IQCM: variants seen among roughly 807,000 people sequenced by gnomAD.
IQCM encodes IQ domain-containing protein M.
In IQCM, 45 loss-of-function variants were observed where a neutral mutation model predicts 57.6. The ratio of observed to expected loss-of-function variants is 0.78; its 90% CI spans 0.62 to 1.00. The LOEUF is 1.00. IQCM is among the 50% of genes least tolerant of loss of function. The probability of loss-of-function intolerance (pLI) is 0.00; values close to 1 mark genes in which losing one functional copy is unlikely to be tolerated. For synonymous variants in IQCM, 148 were observed against 158.9 expected (o/e 0.93, Z 0.51); for missense variants, 468 against 511.6 (o/e 0.91, Z 0.82).
At chr4:149,723,286 C>G (rs559356011) in intron 5 of IQCM, among the ~76,000 whole-genome samples, 23 of 152,104 alleles carry the variant, frequency 1.5e-4, no homozygotes, top group South Asian at 8.3e-4. Context: ...ATTTCTTTCT[C>G]TTGCCTGATT....
At chr4:149,545,431 G>T (rs1748292279) in intron 12 of IQCM, among the ~76,000 whole-genome samples, 1 of 152,032 alleles carries the variant, frequency 6.6e-6, no homozygotes, top group African/African-American at 2.4e-5. Flanking sequence ...AAGAAAATAT[G>T]CAAGGGGCCA....
At chr4:149,397,534 G>T (rs532264271) in intron 13 of IQCM, among the ~76,000 whole-genome samples, 1 of 152,002 alleles carries the variant, frequency 6.6e-6, no homozygotes, top group East Asian at 2.0e-4. Flanking sequence ...TCGCTGCCAT[G>T]TAAGATGTGC....
intron 12 of IQCM, among the ~76,000 whole-genome samples, chr4:149,467,673 G>A (rs140826042): frequency 6.6e-6 from 1 of 152,314 alleles, no homozygotes; most frequent in East Asian, 1.9e-4. Context: ...CAGTAGGCTG[G>A]ATGGAACAAG....
At chr4:149,641,313 C>T (rs1003738610) in intron 7 of IQCM, among the ~76,000 whole-genome samples, 1 of 152,056 alleles carries the variant, frequency 6.6e-6, no homozygotes, top group East Asian at 1.9e-4. Context: ...TTAAAAGACC[C>T]AGGATATTAC....
At chr4:149,626,465 A>G (rs1482523878) in intron 7 of IQCM, among the ~76,000 whole-genome samples, 1 of 133,994 alleles carries the variant, frequency 7.5e-6, no homozygotes, top group Non-Finnish European at 1.6e-5. Context: ...GTTTGTAGAT[A>G]GCAAATACTA....
chr4:149,718,236 A>G (rs953656001), intron 5 of IQCM, among the ~76,000 whole-genome samples: 2 of 152,176 alleles, frequency 1.3e-5, no homozygotes, highest in Non-Finnish European at 2.9e-5. Context: ...TTACTTCTCA[A>G]TTCAAGTGGT....
intron 9 of IQCM, among the ~76,000 whole-genome samples, chr4:149,580,077 C>T (rs532181354): frequency 6.6e-6 from 1 of 151,840 alleles, no homozygotes; most frequent in Non-Finnish European, 1.5e-5. Flanking sequence ...CATTTCGATT[C>T]TACTATGCTC....
At chr4:149,711,881 A>G (rs1764586782) in intron 5 of IQCM, among the ~76,000 whole-genome samples, 1 of 152,194 alleles carries the variant, frequency 6.6e-6, no homozygotes, top group Admixed American at 6.5e-5. Flanking sequence ...TGTCTTTGTG[A>G]ATGCCTCTAC....
intron 12 of IQCM, among the ~76,000 whole-genome samples, chr4:149,533,886 A>T (rs1747008858): frequency 6.6e-6 from 1 of 152,110 alleles, no homozygotes; most frequent in Non-Finnish European, 1.5e-5. Flanking sequence ...GATTTAATAG[A>T]AAAAAAGAAA....
chr4:149,689,688 G>C (rs574907575), intron 5 of IQCM, among the ~76,000 whole-genome samples: 3 of 151,980 alleles, frequency 2.0e-5, no homozygotes, highest in Non-Finnish European at 4.4e-5. Flanking sequence ...ATCTGACAAA[G>C]GACTAATATC....
At position 149,733,748 on chromosome 4, in the gene IQCM, C is replaced by A. The variant is rs17026383; in HGVS notation, c.121-240G>T. Among the ~76,000 whole-genome samples the A allele has an allele frequency of 9.0e-3, 1,367 of 152,158 alleles. 10 individuals carry two copies. Among genetic ancestry groups the A allele is most frequent in the African/African-American group, 0.03 (1,265 of 41,532 alleles). Reference sequence around the variant, plus strand: ...CCTTCACAAGCATAAGGATTATATTCCCCTTTGAAAGAAATGTAAATTTTA... The same window carrying A: ...CCTTCACAAGCATAAGGATTATATTACCCTTTGAAAGAAATGTAAATTTTA... On this transcript the variant is annotated intron_variant, in intron 4 of 13. Coordinates refer to ENST00000636793, the MANE Select transcript of IQCM (RefSeq NM_001363507.2).
At chr4:149,399,813 A>G (rs1024343512) in intron 13 of IQCM, among the ~76,000 whole-genome samples, 3 of 152,114 alleles carry the variant, frequency 2.0e-5, no homozygotes, top group Admixed American at 2.0e-4. Flanking sequence ...TTATAAATTA[A>G]TATATGCAAA....
intron 2 of IQCM, among the ~76,000 whole-genome samples, chr4:149,782,520 C>T (rs149820368): frequency 1.3e-5 from 2 of 150,250 alleles, no homozygotes; most frequent in South Asian, 2.1e-4. Flanking sequence ...TGAGGTGGGA[C>T]GATTGCTTGA....
At chr4:149,639,452 AAGAAGG>A (rs1324113671) in intron 7 of IQCM, among the ~76,000 whole-genome samples, 4 of 151,544 alleles carry the variant, frequency 2.6e-5, no homozygotes, top group Non-Finnish European at 4.4e-5. Flanking sequence ...GAAGAAGAAG[AAGAAGG>A]AGAAGGAGAA....
At chr4:149,450,995 G>C (rs1014977649) in intron 12 of IQCM, among the ~76,000 whole-genome samples, 13 of 151,570 alleles carry the variant, frequency 8.6e-5, no homozygotes, top group Admixed American at 7.3e-4. Flanking sequence ...AATGTGTTTA[G>C]TATTCAGCCA....
In IQCM at chr4:149,390,954, CCTCTT is replaced by C. The variant is rs1731809667; in HGVS notation, c.1391-38893_1391-38889del. ...AGAATGAGTGGGAGAAATATCCTCT[CCTCTT>C]CTACTCTTGACTTCAAAAGATAACT... On this transcript the variant is annotated intron_variant, in intron 13 of 13. Coordinates refer to ENST00000636793, the MANE Select transcript of IQCM (RefSeq NM_001363507.2). Among the ~76,000 whole-genome samples, 3 of 151,540 alleles carry C rather than the reference CCTCTT, an allele frequency of 2.0e-5. No homozygotes were observed. In the South Asian group the frequency reaches 6.2e-4, roughly 31 times the overall value.
intron 7 of IQCM, among the ~76,000 whole-genome samples, chr4:149,681,180 G>A (rs961574908): frequency 6.0e-5 from 9 of 151,176 alleles, no homozygotes; most frequent in Non-Finnish European, 1.3e-4. Flanking sequence ...ACACCCATTA[G>A]ACCCTAGCCT....
intron 5 of IQCM, among the ~76,000 whole-genome samples, chr4:149,689,105 C>T (rs928200803): frequency 6.6e-6 from 1 of 151,840 alleles, no homozygotes; most frequent in Non-Finnish European, 1.5e-5. Context: ...AGGACACATG[C>T]ACACCTATGT....
chr4:149,440,343 T>G (rs1211993780), intron 12 of IQCM, among the ~76,000 whole-genome samples: 3 of 152,024 alleles, frequency 2.0e-5, no homozygotes, highest in Admixed American at 2.0e-4. Context: ...AATCGCATCA[T>G]TTTGGTTATT....
Sources: gnomAD v4.1 joint callset for allele counts (sites outside exome capture counted in the v4.1 genomes callset) on GRCh38, gnomAD v4.1.1 for gene constraint, MANE v1.5 for transcripts, NCBI Gene and HGNC (gene_info 2026-07-23, HGNC 2026-07-21) for gene names.